The following CACNA1C variants were observed in gnomAD, a reference collection of about 807,000 sequenced individuals.
The protein encoded by CACNA1C is voltage-dependent L-type calcium channel subunit alpha-1C.
Under a neutral mutation model 229.0 loss-of-function variants are expected in CACNA1C, and 30 were observed. The observed-to-expected ratio is 0.13, with a 90% CI of 0.10 to 0.18. The LOEUF (loss-of-function observed/expected upper bound fraction) is 0.18. Ranked by LOEUF, CACNA1C falls within the 10% of genes least tolerant of loss-of-function variation. CACNA1C has a pLI of 1.00. For synonymous variants in CACNA1C, 1,114 were observed against 1,132.5 expected (o/e 0.98, Z 0.33); for missense variants, 1,658 against 2,845.0 (o/e 0.58, Z 9.49).
At chr12:2,578,928 T>C (rs1417249154) in intron 13 of CACNA1C, among the ~76,000 whole-genome samples, 1 of 152,154 alleles carries the variant, frequency 6.6e-6, no homozygotes, top group Non-Finnish European at 1.5e-5. Context: ...GCTCCATCTC[T>C]GCCTTCCCAG....
At chr12:2,530,440 C>T (rs2099838134) in intron 9 of CACNA1C, among the ~76,000 whole-genome samples, 1 of 152,214 alleles carries the variant, frequency 6.6e-6, no homozygotes, top group Non-Finnish European at 1.5e-5. Context: ...GAAGTAAAAA[C>T]TCTTTCCAGT....
intron 3 of CACNA1C, among the ~76,000 whole-genome samples, chr12:2,144,499 CA>C (rs1297738737): frequency 6.6e-6 from 1 of 151,400 alleles, no homozygotes; most frequent in Non-Finnish European, 1.5e-5. Context: ...TTAAAACACA[CA>C]CAGTTCCTGC....
At chr12:2,237,950 G>T (rs1242080779) in intron 3 of CACNA1C, among the ~76,000 whole-genome samples, 2 of 152,184 alleles carry the variant, frequency 1.3e-5, no homozygotes, top group African/African-American at 2.4e-5. Flanking sequence ...TGGTATCAAG[G>T]CGACAATGAT....
intron 1 of CACNA1C, among the ~76,000 whole-genome samples, chr12:1,975,094 G>A (rs2033903618): frequency 6.6e-6 from 1 of 152,126 alleles, no homozygotes; most frequent in Non-Finnish European, 1.5e-5. Context: ...AAGGAGCCTA[G>A]TGCTACTTCC....
rs868207491 is a variant in CACNA1C at position 2,331,638 on chromosome 12, G to C, written c.478-117338G>C. Among the ~76,000 whole-genome samples the C allele has an allele frequency of 2.0e-5, 3 of 152,228 alleles. No individual in the cohort carries two copies. In the South Asian group the frequency reaches 6.2e-4, roughly 32 times the overall value. ...TAGTGAATAAACGGGGCAGAATGAG[G>C]AAAACTTTTCCTTAGGACATAATGC... On this transcript the variant is annotated intron_variant, in intron 3 of 46. Coordinates refer to ENST00000399655, the MANE Select transcript of CACNA1C (RefSeq NM_000719.7).
In CACNA1C at chr12:2,565,204, C is replaced by G. The variant is rs548175764; in HGVS notation, c.1509-1218C>G. 5.9e-5 allele frequency among the ~76,000 whole-genome samples: 9 copies of G among 151,716 alleles called. No individual in the cohort carries two copies. In the East Asian group the frequency reaches 1.2e-3, roughly 20 times the overall value. ...CCAACCCCGGCCGGGCGCGGTGGCT[C>G]ACGCCTGTAATCCCAGCACTTTGGG... On this transcript the variant is annotated intron_variant, in intron 11 of 46. Transcript: ENST00000399655.
intron 34 of CACNA1C, among the ~76,000 whole-genome samples, chr12:2,655,623 T>C (rs2095375588): frequency 6.6e-6 from 1 of 152,248 alleles, no homozygotes; most frequent in East Asian, 1.9e-4. Context: ...TATCTATCAC[T>C]ATACCAGCAC....
chr12:1,995,264 C>T (rs1409074779), intron 1 of CACNA1C, among the ~76,000 whole-genome samples: 5 of 152,202 alleles, frequency 3.3e-5, no homozygotes, highest in Non-Finnish European at 5.9e-5. Flanking sequence ...TTAATACTTA[C>T]TAATACATCT....
intron 29 of CACNA1C, among the ~76,000 whole-genome samples, chr12:2,627,515 T>C (rs935209404): frequency 6.6e-6 from 1 of 151,968 alleles, no homozygotes; most frequent in Non-Finnish European, 1.5e-5. Flanking sequence ...CCAGAAAAGA[T>C]CAGTGTTTCC....
chr12:2,235,414 C>T (rs369382094), intron 3 of CACNA1C, among the ~76,000 whole-genome samples: 36 of 152,298 alleles, frequency 2.4e-4, no homozygotes, highest in African/African-American at 8.2e-4. Flanking sequence ...TGTGGCAGGA[C>T]GAGGATGCCA....
chr12:2,390,526 C>T (rs752289509), intron 3 of CACNA1C, among the ~76,000 whole-genome samples: 5 of 152,120 alleles, frequency 3.3e-5, no homozygotes, highest in African/African-American at 7.2e-5. Flanking sequence ...TGCCATAATT[C>T]TGTGTGATAA....
intron 3 of CACNA1C, among the ~76,000 whole-genome samples, chr12:2,445,883 G>C (rs561760127): frequency 3.9e-5 from 6 of 152,232 alleles, no homozygotes; most frequent in African/African-American, 1.4e-4. Context: ...CTGCCAGAGG[G>C]AGGAGTGGTT....
chr12:2,286,266 G>T (rs2092659041), intron 3 of CACNA1C, among the ~76,000 whole-genome samples: 1 of 152,222 alleles, frequency 6.6e-6, no homozygotes, highest in Non-Finnish European at 1.5e-5. Flanking sequence ...AAACAGGTTT[G>T]GTTGTTTGCA....
chr12:2,513,723 G>A (rs1211644523), intron 9 of CACNA1C, among the ~76,000 whole-genome samples: 3 of 152,174 alleles, frequency 2.0e-5, no homozygotes, highest in Non-Finnish European at 4.4e-5. Context: ...GGTTCTCAAA[G>A]CATGGCCGCT....
At chr12:2,217,259 G>C (rs996449281) in intron 3 of CACNA1C, among the ~76,000 whole-genome samples, 1 of 152,332 alleles carries the variant, frequency 6.6e-6, no homozygotes, top group South Asian at 2.1e-4. Context: ...GGTGCAGGGG[G>C]AAGTGCGGAG....
chr12:2,330,454 A>C (rs759334347), intron 3 of CACNA1C, among the ~76,000 whole-genome samples: 3 of 152,358 alleles, frequency 2.0e-5, no homozygotes, highest in Non-Finnish European at 2.9e-5. Flanking sequence ...TTAAGCATTT[A>C]AGTGTTTTGA....
At chr12:2,316,598 A>C (rs1047724043) in intron 3 of CACNA1C, among the ~76,000 whole-genome samples, 3 of 152,200 alleles carry the variant, frequency 2.0e-5, no homozygotes, top group African/African-American at 7.2e-5. Flanking sequence ...GCTTGGTCTC[A>C]TGAATAGGTG....
At chr12:1,985,050 AT>A (rs892065568) in intron 1 of CACNA1C, among the ~76,000 whole-genome samples, 13 of 151,472 alleles carry the variant, frequency 8.6e-5, no homozygotes, top group East Asian at 5.8e-4. Flanking sequence ...AAAAAAAAAA[AT>A]CTTTGTTTTT....
At position 2,566,355 on chromosome 12, in the gene CACNA1C, C is replaced by T; in HGVS notation, c.1509-67C>T. The T allele has an allele frequency of 7.2e-7, 1 of 1,389,530 alleles. No homozygotes were observed. Among genetic ancestry groups the T allele is most frequent in the Non-Finnish European group, 9.8e-7 (1 of 1,017,208 alleles). 86.1% of individuals were successfully genotyped at this position (1,389,530 alleles called of 1,614,324 possible). On this transcript the variant is annotated intron_variant, in intron 11 of 46. Transcript: ENST00000399655. The surrounding 1 kb of genome is among the most constrained non-coding windows in gnomAD (Gnocchi z 4.0). Reference sequence around the variant, plus strand: ...AGGGGCGAGAAGAGCCATGGTGCTGCATCTTGGGTTGGAGGAAACCTGAAT... The same window carrying T: ...AGGGGCGAGAAGAGCCATGGTGCTGTATCTTGGGTTGGAGGAAACCTGAAT...
Sources: gnomAD v4.1 joint callset for allele counts (sites outside exome capture counted in the v4.1 genomes callset) on GRCh38, gnomAD v4.1.1 for gene constraint, Gnocchi (gnomAD v3.1) non-coding constraint, MANE v1.5 for transcripts, NCBI Gene and HGNC (gene_info 2026-07-23, HGNC 2026-07-21) for gene names.